Variants in EXOC6B observed in about 807,000 individuals in gnomAD.
The protein encoded by EXOC6B is exocyst complex component 6B, also known as SEC15 homolog B.
EXOC6B carries 54 observed loss-of-function variants against 113.5 expected under a neutral mutation model. That is an observed-to-expected ratio of 0.48 (90% CI 0.38 to 0.60). The LOEUF (loss-of-function observed/expected upper bound fraction) is 0.60. Ranked by LOEUF, EXOC6B falls within the 20% of genes least tolerant of loss-of-function variation. The pLI is 0.00. For missense variants in EXOC6B, 797 were observed against 977.5 expected (o/e 0.82, Z 2.46); for synonymous variants, 357 against 339.0 (o/e 1.05, Z -0.58).
intron 18 of EXOC6B, among the ~76,000 whole-genome samples, chr2:72,441,085 G>A (rs1696172539): frequency 1.3e-5 from 2 of 152,104 alleles, no homozygotes; most frequent in South Asian, 4.1e-4. Context: ...TCCATATTTA[G>A]TGCTTCCATC....
Position 72,825,763 on chromosome 2 carries a change from T to TTCCCGCCCCTCTGTGGTCCCGC in EXOC6B, c.113+34_113+35insGCGGGACCACAGAGGGGCGGGA. ...AGAGGAGCCTGCCCCGTCCCGCCCG[T>TTCCCGCCCCTCTGTGGTCCCGC]TCCCGCCCCTCTGTGGTCCCGGCAC... On this transcript the variant is annotated intron_variant, in intron 1 of 21. Coordinates refer to ENST00000272427, the MANE Select transcript of EXOC6B (RefSeq NM_015189.3). The surrounding 1 kb of genome is among the most constrained non-coding windows in gnomAD (Gnocchi z 4.4). 7.1e-7 allele frequency: 1 copy of TTCCCGCCCCTCTGTGGTCCCGC among 1,411,480 alleles called. No individual in the cohort carries two copies. The highest frequency in any genetic ancestry group is 1.2e-5 in the South Asian group (1 of 86,702). 87.4% of individuals were successfully genotyped at this position (1,411,480 alleles called of 1,614,324 possible).
intron 16 of EXOC6B, among the ~76,000 whole-genome samples, chr2:72,487,922 C>T (rs950877139): frequency 3.9e-5 from 6 of 152,126 alleles, no homozygotes; most frequent in African/African-American, 1.4e-4. Context: ...CTCATTCTAC[C>T]CTATACTTTT....
At chr2:72,625,936 C>T (rs1672023962) in intron 6 of EXOC6B, among the ~76,000 whole-genome samples, 1 of 152,152 alleles carries the variant, frequency 6.6e-6, no homozygotes, top group Non-Finnish European at 1.5e-5. Flanking sequence ...AGAGACTAAA[C>T]TTATATGTTC....
intron 18 of EXOC6B, among the ~76,000 whole-genome samples, chr2:72,427,447 C>T (rs1417037351): frequency 6.6e-6 from 1 of 152,218 alleles, no homozygotes; most frequent in Admixed American, 6.5e-5. Flanking sequence ...CCTCTCCCCA[C>T]TCCTGGTGCC....
intron 18 of EXOC6B, among the ~76,000 whole-genome samples, chr2:72,414,595 G>T (rs1437371218): frequency 2.5e-4 from 38 of 152,182 alleles, no homozygotes; most frequent in Non-Finnish European, 2.9e-5. Flanking sequence ...AGCCTTTTAA[G>T]AAACAGATGC....
At chr2:72,325,439 A>G (rs1294466262) in intron 20 of EXOC6B, among the ~76,000 whole-genome samples, 1 of 151,754 alleles carries the variant, frequency 6.6e-6, no homozygotes, top group Non-Finnish European at 1.5e-5. Flanking sequence ...TGCCTCTTTA[A>G]CTCATTCATT....
intron 6 of EXOC6B, among the ~76,000 whole-genome samples, chr2:72,667,706 C>G (rs921741123): frequency 6.6e-6 from 1 of 152,168 alleles, no homozygotes; most frequent in Non-Finnish European, 1.5e-5. Context: ...TACCTTTCAT[C>G]AGATTCAAAA....
chr2:72,448,804 A>G (rs929475759), intron 18 of EXOC6B, among the ~76,000 whole-genome samples: 1 of 152,228 alleles, frequency 6.6e-6, no homozygotes, highest in African/African-American at 2.4e-5. Context: ...ACAACTAGAC[A>G]GGAAACTAAC....
In EXOC6B at chr2:72,202,637, G is replaced by GA. The variant is rs1045977939; in HGVS notation, c.2197-18451dup. 2.0e-5 allele frequency among the ~76,000 whole-genome samples: 3 copies of GA among 147,430 alleles called. No individual in the cohort carries two copies. The Admixed American group carries it at 2.0e-4, about 10-fold the overall frequency. On this transcript the variant is annotated intron_variant, in intron 20 of 21. Coordinates refer to ENST00000272427, the MANE Select transcript of EXOC6B (RefSeq NM_015189.3). ...TTTATACCATGAGCAAGCTGTGGGA[G>GA]AAAAAAACCTATTTTTTTTACCTGA...
At chr2:72,761,155 G>C (rs1405641139) in intron 1 of EXOC6B, among the ~76,000 whole-genome samples, 1 of 152,102 alleles carries the variant, frequency 6.6e-6, no homozygotes, top group East Asian at 1.9e-4. Flanking sequence ...ACTGCAACCT[G>C]GCTGAAGAGC....
At chr2:72,574,639 A>C (rs992417767) in intron 7 of EXOC6B, among the ~76,000 whole-genome samples, 2 of 152,222 alleles carry the variant, frequency 1.3e-5, no homozygotes, top group African/African-American at 4.8e-5. Flanking sequence ...ATGATTCCTT[A>C]CATGTCAGTG....
chr2:72,712,981 A>T (rs768614681), intron 6 of EXOC6B, among the ~76,000 whole-genome samples: 1 of 152,366 alleles, frequency 6.6e-6, no homozygotes, highest in Admixed American at 6.5e-5. Context: ...GCTTCAGAGG[A>T]TCCTCAAATA....
intron 1 of EXOC6B, among the ~76,000 whole-genome samples, chr2:72,750,304 A>G (rs746132985): frequency 1.1e-4 from 16 of 152,100 alleles, no homozygotes; most frequent in Non-Finnish European, 4.4e-5. Flanking sequence ...AGAACAAAGC[A>G]GGCAAAATAG....
At chr2:72,349,858 G>A (rs1689547586) in intron 19 of EXOC6B, among the ~76,000 whole-genome samples, 2 of 152,182 alleles carry the variant, frequency 1.3e-5, no homozygotes, top group Admixed American at 6.5e-5. Context: ...GTGGCCCGAG[G>A]ACACCAGAGA....
intron 6 of EXOC6B, among the ~76,000 whole-genome samples, chr2:72,622,231 C>CAAA (rs755581083): frequency 7.7e-6 from 1 of 129,736 alleles, no homozygotes; most frequent in Non-Finnish European, 1.7e-5. Context: ...TGATGAAGTA[C>CAAA]AAAAAAAAAA....
intron 17 of EXOC6B, among the ~76,000 whole-genome samples, chr2:72,465,985 C>T (rs1182418690): frequency 6.6e-6 from 1 of 152,090 alleles, no homozygotes; most frequent in African/African-American, 2.4e-5. Context: ...AGATCTACTA[C>T]AAAATCATTC....
intron 20 of EXOC6B, among the ~76,000 whole-genome samples, chr2:72,318,159 A>G (rs1441836050): frequency 1.3e-5 from 2 of 152,208 alleles, no homozygotes; most frequent in African/African-American, 4.8e-5. Context: ...TTTCAGAGAC[A>G]TTATGAACAG....
At chr2:72,313,193 CAACACAGAT>C (rs1298430804) in intron 20 of EXOC6B, among the ~76,000 whole-genome samples, 7 of 151,188 alleles carry the variant, frequency 4.6e-5, no homozygotes, top group African/African-American at 1.2e-4. Flanking sequence ...CAGAGAGGAA[CAACACAGAT>C]TGGGGCCTAA....
intron 20 of EXOC6B, among the ~76,000 whole-genome samples, chr2:72,242,431 A>C (rs1342294174): frequency 1.3e-5 from 2 of 152,210 alleles, no homozygotes; most frequent in African/African-American, 4.8e-5. Flanking sequence ...TGTTATTTGA[A>C]AGTAAACCTG....
Sources: gnomAD v4.1 joint callset for allele counts (sites outside exome capture counted in the v4.1 genomes callset) on GRCh38, gnomAD v4.1.1 for gene constraint, Gnocchi (gnomAD v3.1) non-coding constraint, MANE v1.5 for transcripts, NCBI Gene and HGNC (gene_info 2026-07-23, HGNC 2026-07-21) for gene names.